DNMT3L: variants seen among roughly 807,000 people sequenced by gnomAD.
The protein encoded by DNMT3L is DNA (cytosine-5)-methyltransferase 3-like.
Under a neutral mutation model 36.2 loss-of-function variants are expected in DNMT3L, and 33 were observed. That is an observed-to-expected ratio of 0.91 (90% confidence interval 0.69 to 1.22). The LOEUF is 1.22. Among genes scored for constraint, DNMT3L ranks in the 50% most tolerant of loss-of-function variants. DNMT3L has a pLI of 0.00. For missense variants in DNMT3L, 310 were observed against 303.1 expected, an observed-to-expected ratio of 1.02 and a Z score of -0.17; for synonymous variants, 117 against 121.7, an observed-to-expected ratio of 0.96 and a Z score of 0.26.
chr21:44,256,250 C>G, intron 6 of DNMT3L, 96 bp from the exon 7 acceptor site: 1 of 1,267,232 alleles, frequency 7.9e-7, no homozygotes, highest in Non-Finnish European at 1.1e-6. Flanking sequence ...TGAACACTCA[C>G]TCGAGACTCA....
Position 44,259,437 on chromosome 21 carries a change from C to G in DNMT3L, c.344G>C (p.Arg115Pro), listed in dbSNP as rs759685597. ...CCCCTGGGCAGGCCCCTCGCCTCAC[C>G]GGGTGCAATCAGGGTTTCCGCAGAT... Reference protein sequence around the residue: ...LLICGNPDCTRCYCFECVDSL... With the variant: ...LLICGNPDCTPCYCFECVDSL... The change falls in exon 5 of 12, where the codon CGA (arginine) becomes CCA (proline). Residue 115 changes from arginine (R) to proline (P), a missense_variant and splice_region_variant. Coordinates refer to ENST00000628202, the MANE Select transcript of DNMT3L (RefSeq NM_175867.3). The G allele has an allele frequency of 2.5e-6, 4 of 1,613,496 alleles. No homozygotes were observed. Among genetic ancestry groups the G allele is most frequent in the Non-Finnish European group, 1.7e-6 (2 of 1,179,964 alleles).
chr21:44,256,430 T>A (rs949293394), intron 6 of DNMT3L, among the ~76,000 whole-genome samples: 7 of 147,322 alleles, frequency 4.8e-5, no homozygotes, highest in African/African-American at 1.8e-4. Flanking sequence ...TTTTTTTTTT[T>A]TTTTTTTTTT....
rs1313404559 is a variant in DNMT3L, at chr21:44,258,529, T to C, written c.510A>G (p.Arg170=). The C allele has an allele frequency of 3.2e-6, 5 of 1,568,052 alleles. No individual in the cohort carries two copies. Among genetic ancestry groups the C allele is most frequent in the Admixed American group, 1.9e-5 (1 of 53,430 alleles). Residue 170 remains arginine (R), a synonymous_variant, in exon 6 of 12, where the codon CGA becomes CGG. Coordinates refer to ENST00000628202, the MANE Select transcript of DNMT3L (RefSeq NM_175867.3). This position sits in a 1 kb window ranked among gnomAD's most constrained non-coding sequence, Gnocchi z 6.2. ...WRSQLKAFYD[R]ESENPLEMFE... ...CCCTCCACGGGCTCCTTACCGACTC[T>C]CGGTCGTAGAAGGCCTTGAGCTGGC...
In DNMT3L at chr21:44,261,759, C is replaced by T. The variant is rs367997804; in HGVS notation, c.-27G>A. On this transcript the variant is annotated 5_prime_UTR_variant, in exon 1 of 12. Transcript: ENST00000628202. ...ACTCACAGGGCTGCTGCCACGGCTC[C>T]GGGTACAGCCAGCTGGTGGGTTCAA... The T allele has an allele frequency of 2.5e-3, 383 of 155,366 alleles. 2 individuals carry two copies. The highest frequency in any genetic ancestry group is 8.8e-3 in the African/African-American group (364 of 41,580). 9.6% of individuals were successfully genotyped at this position (155,366 alleles called of 1,614,324 possible). A position where few individuals can be genotyped will look rare whatever the true frequency, so the allele number is the denominator to read the frequency against.
At chr21:44,260,685 TG>T in intron 3 of DNMT3L, 109 bp downstream of exon 3, 1 of 1,435,954 alleles carries the variant, frequency 7.0e-7, no homozygotes. Context: ...CTCAAACTCC[TG>T]GGCTCAAATG....
intron 6 of DNMT3L, among the ~76,000 whole-genome samples, chr21:44,257,678 C>T (rs1271360345): frequency 1.5e-5 from 1 of 65,116 alleles, no homozygotes; most frequent in African/African-American, 1.0e-4. Flanking sequence ...GAGACTCCGT[C>T]TCAAAAAAAA....
chr21:44,259,409 A>G, intron 5 of DNMT3L, 28 bp downstream of exon 5: 1 of 1,609,936 alleles, frequency 6.2e-7, no homozygotes, highest in Non-Finnish European at 8.5e-7. Flanking sequence ...CAGCCCCTTC[A>G]CCCCCCTGGG....
intron 6 of DNMT3L, among the ~76,000 whole-genome samples, chr21:44,257,693 A>T (rs199610012): frequency 0.29 from 26,877 of 91,694 alleles, 3,582 homozygotes; most frequent in South Asian, 0.34. Flanking sequence ...AAAAAAAAAA[A>T]AAATAAATAA....
At chr21:44,259,098 G>T (rs570762531) in intron 5 of DNMT3L, among the ~76,000 whole-genome samples, 22 of 152,098 alleles carry the variant, frequency 1.4e-4, no homozygotes, top group Non-Finnish European at 4.4e-5. Context: ...AGGAGCCCAC[G>T]GAGGGAGCCG....
chr21:44,259,668 G>T lies in DNMT3L; in HGVS notation c.195C>A (p.His65Gln). The change falls in exon 4 of 12, where the codon CAC (histidine) becomes CAA (glutamine). Residue 65 changes from histidine (H) to glutamine (Q), a missense_variant. His to Gln is a conservative substitution (Grantham distance 24). Transcript: ENST00000628202. ...CGCAGATCCCTCCCTCAAACAGAGG[G>T]TGCTGTGTGTGAACCTGGAGACTTC... ...CCGSLQVHTQHPLFEGGICAP... is the reference protein window; with the variant it reads ...CCGSLQVHTQQPLFEGGICAP... 1 of 1,613,054 alleles carries T rather than the reference G, an allele frequency of 6.2e-7. No individual in the cohort carries two copies. Among genetic ancestry groups the T allele is most frequent in the South Asian group, 1.1e-5 (1 of 90,906 alleles).
Position 44,259,509 on chromosome 21 carries a change from C to A in DNMT3L, c.272G>T (p.Gly91Val), listed in dbSNP as rs983816974. The A allele has an allele frequency of 1.5e-5, 24 of 1,613,590 alleles. No homozygotes were observed. Among genetic ancestry groups the A allele is most frequent in the Non-Finnish European group, 2.0e-5 (24 of 1,180,020 alleles). The change falls in exon 5 of 12, where the codon GGG becomes GTG. Residue 91 changes from glycine to valine, a missense_variant. By Grantham distance (109) the Gly-to-Val change is moderately radical. Coordinates refer to ENST00000628202, the MANE Select transcript of DNMT3L (RefSeq NM_175867.3). ...LDALFLYDDD[G>V]YQSYCSICCS... The stretch of plus-strand genomic sequence containing the variant: ...GCAGATGGAGCAGTAGGATTGGTAC[C>A]CGTCATCGTCGTACAGGAAGAGGGC...
intron 6 of DNMT3L, among the ~76,000 whole-genome samples, chr21:44,257,799 G>A (rs1167639419): frequency 1.3e-5 from 2 of 152,248 alleles, no homozygotes; most frequent in Non-Finnish European, 2.9e-5. Context: ...TGAAGTGAAG[G>A]TGTGCCGGCA....
At chr21:44,254,408 G>A (rs537316782) in intron 8 of DNMT3L, among the ~76,000 whole-genome samples, 1 of 152,372 alleles carries the variant, frequency 6.6e-6, no homozygotes, top group Non-Finnish European at 1.5e-5. Context: ...CCGCTGCGGG[G>A]CATCACAGTG....
rs1354019295 is a variant in DNMT3L at position 44,258,515 on chromosome 21, C to T, written c.516+8G>A. On this transcript the variant is annotated splice_region_variant and intron_variant, in intron 6 of 11. Coordinates refer to ENST00000628202, the MANE Select transcript of DNMT3L (RefSeq NM_175867.3). This position sits in a 1 kb window ranked among gnomAD's most constrained non-coding sequence, Gnocchi z 6.2. ...CTGCCGGGTGCTGCCCCTCCACGGG[C>T]TCCTTACCGACTCTCGGTCGTAGAA... The T allele has an allele frequency of 1.9e-6, 3 of 1,548,878 alleles. No individual in the cohort carries two copies. The highest frequency in any genetic ancestry group is 2.6e-6 in the Non-Finnish European group (3 of 1,144,484).
intron 8 of DNMT3L, among the ~76,000 whole-genome samples, chr21:44,254,365 T>C (rs2040240782): frequency 6.6e-6 from 1 of 152,208 alleles, no homozygotes; most frequent in African/African-American, 2.4e-5. Context: ...CTCTGGGCAA[T>C]GCTGGGACCA....
intron 6 of DNMT3L, among the ~76,000 whole-genome samples, chr21:44,257,813 G>A (rs1267207937): frequency 2.0e-5 from 3 of 152,320 alleles, no homozygotes; most frequent in Admixed American, 6.5e-5. Flanking sequence ...GCCGGCAGGC[G>A]TGCCTCCCTC....
At chr21:44,260,986 T>G (rs1453083769) in intron 2 of DNMT3L, 147 bp from the exon 3 acceptor site, 45 of 1,416,050 alleles carry the variant, frequency 3.2e-5, no homozygotes, top group Non-Finnish European at 4.4e-5. Flanking sequence ...CTTATCTTGG[T>G]GTGTTAAACG....
intron 7 of DNMT3L, among the ~76,000 whole-genome samples, chr21:44,255,030 G>A (rs1201083468): frequency 6.6e-6 from 1 of 151,982 alleles, no homozygotes; most frequent in African/African-American, 2.4e-5. Flanking sequence ...GTTTCACCAT[G>A]TTGGCCAGGC....
At position 44,259,723 on chromosome 21, in the gene DNMT3L, A is replaced by G. The variant is rs2040299836; in HGVS notation, c.152-12T>C. On this transcript the variant is annotated splice_polypyrimidine_tract_variant and intron_variant, in intron 3 of 11. Coordinates refer to ENST00000628202, the MANE Select transcript of DNMT3L (RefSeq NM_175867.3). Reference sequence around the variant, plus strand: ...GCAGATGCAGATGTCTAAAGGAAACATTCAAAGCACACTGTGTTTTCCCAG... The same window carrying G: ...GCAGATGCAGATGTCTAAAGGAAACGTTCAAAGCACACTGTGTTTTCCCAG... 3.1e-6 allele frequency: 5 copies of G among 1,604,458 alleles called. No individual in the cohort carries two copies. The highest frequency in any genetic ancestry group is 4.3e-6 in the Non-Finnish European group (5 of 1,174,594).
Sources: gnomAD v4.1 joint callset for allele counts (sites outside exome capture counted in the v4.1 genomes callset) on GRCh38, gnomAD v4.1.1 for gene constraint, Gnocchi (gnomAD v3.1) non-coding constraint, MANE v1.5 for transcripts, NCBI Gene and HGNC (gene_info 2026-07-23, HGNC 2026-07-21) for gene names.